USP28: variants seen among roughly 807,000 people sequenced by gnomAD.
USP28 encodes ubiquitin carboxyl-terminal hydrolase 28.
In USP28, 113 loss-of-function variants were observed where a neutral mutation model predicts 145.0. The observed-to-expected ratio is 0.78, with a 90% confidence interval of 0.67 to 0.91. The LOEUF (loss-of-function observed/expected upper bound fraction) is 0.91. Among genes scored for constraint, USP28 ranks in the 40% least tolerant of loss-of-function variants. The pLI is 0.00. For missense variants in USP28, 1,201 were observed against 1,289.6 expected, an observed-to-expected ratio of 0.93 and a Z score of 1.05; for synonymous variants, 447 against 450.9, an observed-to-expected ratio of 0.99 and a Z score of 0.11.
chr11:113,844,379 G>A (rs1945575788), intron 3 of USP28, among the ~76,000 whole-genome samples: 3 of 151,958 alleles, frequency 2.0e-5, no homozygotes, highest in Admixed American at 6.6e-5. Flanking sequence ...GGGAGGCAGA[G>A]GTTGCAGTGA....
At chr11:113,804,613 G>C in intron 21 of USP28, 60 bp downstream of exon 22, 1 of 1,486,436 alleles carries the variant, frequency 6.7e-7, no homozygotes, top group Admixed American at 1.9e-5. Context: ...TTTTGCCTCA[G>C]GTACCATTTA....
At chr11:113,840,723 A>C (rs774943984) in exon 5 of USP28, 1 of 1,614,162 alleles carries the variant, frequency 6.2e-7, no homozygotes, top group Admixed American at 1.7e-5. Context: ...TTTCTCTTTG[A>C]GCGTTTAGTT....
intron 14 of USP28, 149 bp downstream of exon 14, chr11:113,815,025 C>CT (rs1256390888): frequency 1.4e-6 from 1 of 737,674 alleles, no homozygotes; most frequent in Admixed American, 2.9e-5. Flanking sequence ...GCACTCCAGC[C>CT]TGGGTGATAG....
chr11:113,826,635 C>A (rs142886139), intron 11 of USP28, among the ~76,000 whole-genome samples: 1,646 of 151,602 alleles, frequency 0.011, 33 homozygotes, highest in African/African-American at 0.038. Context: ...AATTAAAATT[C>A]TAGGCCGGGC....
chr11:113,799,822 C>G (rs944458931), intron 24 of USP28, among the ~76,000 whole-genome samples: 3 of 152,036 alleles, frequency 2.0e-5, no homozygotes, highest in Non-Finnish European at 2.9e-5. Context: ...CTAACAATAG[C>G]TGATGAGGTT....
intron 15 of USP28, 170 bp downstream of exon 15, chr11:113,813,715 G>A: frequency 1.6e-6 from 1 of 639,888 alleles, no homozygotes; most frequent in Admixed American, 3.1e-5. Context: ...AAGGTATATT[G>A]CTTTCTTTAG....
chr11:113,798,258 T>C (rs1265572427), exon 25 of USP28: 1 of 152,040 alleles, frequency 6.6e-6, no homozygotes, highest in Non-Finnish European at 1.5e-5. Flanking sequence ...CTATTAAAAA[T>C]ACAAAAATTA....
exon 8 of USP28, chr11:113,831,945 C>T (rs371572091): frequency 3.7e-6 from 6 of 1,613,650 alleles, no homozygotes; most frequent in South Asian, 2.2e-5. Flanking sequence ...AGCTGGAATG[C>T]GTCCTCTAGC....
chr11:113,848,191 C>T (rs1441176752), intron 3 of USP28, among the ~76,000 whole-genome samples: 2 of 152,200 alleles, frequency 1.3e-5, no homozygotes, highest in Admixed American at 6.5e-5. Flanking sequence ...TTCAATTAAA[C>T]ATACTGATTA....
chr11:113,802,998 G>GA (rs143596139), intron 23 of USP28, among the ~76,000 whole-genome samples, 160 bp downstream of exon 24: 1,542 of 151,896 alleles, frequency 0.01, 33 homozygotes, highest in African/African-American at 0.036. Flanking sequence ...AAAAGTAACT[G>GA]AAAAAAAACC....
chr11:113,854,271 T>C (rs776349625), exon 2 of USP28: 2 of 1,614,008 alleles, frequency 1.2e-6, no homozygotes, highest in Middle Eastern at 1.7e-4. Context: ...CAGAGCTTCA[T>C]GGAGAAAGGA....
At chr11:113,845,816 C>A (rs983076599) in intron 3 of USP28, among the ~76,000 whole-genome samples, 1 of 152,208 alleles carries the variant, frequency 6.6e-6, no homozygotes, top group Non-Finnish European at 1.5e-5. Flanking sequence ...CTCAAGCTAT[C>A]CACCTGCCTC....
chr11:113,862,707 T>C (rs1053619365), intron 1 of USP28, among the ~76,000 whole-genome samples: 1 of 152,038 alleles, frequency 6.6e-6, no homozygotes, highest in Admixed American at 6.6e-5. Flanking sequence ...AATGGATGCC[T>C]AAGAGAATGC....
chr11:113,849,165 G>C (rs963819688), intron 3 of USP28, among the ~76,000 whole-genome samples: 5 of 152,180 alleles, frequency 3.3e-5, no homozygotes, highest in Non-Finnish European at 7.3e-5. Flanking sequence ...GAAAATGCAA[G>C]GAGGTCTTTG....
At chr11:113,799,266 C>T (rs1354049318) in exon 25 of USP28, 18 of 1,613,582 alleles carry the variant, frequency 1.1e-5, no homozygotes, top group Non-Finnish European at 1.4e-5. Context: ...GTTGAAACTC[C>T]CTGAATTGAC....
intron 1 of USP28, among the ~76,000 whole-genome samples, chr11:113,858,874 G>A (rs1306309753): frequency 6.6e-6 from 1 of 152,176 alleles, no homozygotes; most frequent in Non-Finnish European, 1.5e-5. Context: ...CTCCCAAAGT[G>A]TTGGGATTAC....
At chr11:113,817,543 G>T in intron 13 of USP28, 115 bp downstream of exon 13, 1 of 1,229,540 alleles carries the variant, frequency 8.1e-7, no homozygotes, top group Non-Finnish European at 1.1e-6. Flanking sequence ...AAGACAAAGA[G>T]CTCACAGCTC....
At chr11:113,800,330 G>C (rs549033880) in intron 24 of USP28, among the ~76,000 whole-genome samples, 58 of 151,876 alleles carry the variant, frequency 3.8e-4, no homozygotes, top group African/African-American at 1.3e-3. Flanking sequence ...GTTTTTTAAA[G>C]ATAGGGTCTC....
At chr11:113,815,444 T>G in intron 13 of USP28, 62 bp from the exon 14 acceptor site, 1 of 1,502,896 alleles carries the variant, frequency 6.7e-7, no homozygotes, top group Non-Finnish European at 9.1e-7. Context: ...GCCTAAATTA[T>G]GTACTTTGGA....
Sources: gnomAD v4.1 joint callset for allele counts (sites outside exome capture counted in the v4.1 genomes callset) on GRCh38, gnomAD v4.1.1 for gene constraint, MANE v1.5 for transcripts, NCBI Gene and HGNC (gene_info 2026-07-23, HGNC 2026-07-21) for gene names.